FILIP1: variants seen among roughly 807,000 people sequenced by gnomAD.
The protein encoded by FILIP1 is filamin-A-interacting protein 1.
FILIP1 carries 61 observed loss-of-function variants against 102.1 expected under a neutral mutation model. That is an observed-to-expected ratio of 0.60 (90% CI 0.49 to 0.74). The LOEUF is 0.74. Ranked by LOEUF, FILIP1 falls within the 30% of genes least tolerant of loss-of-function variation. The pLI is 0.00. For missense variants in FILIP1, 1,314 were observed against 1,441.2 expected (o/e 0.91, Z 1.43); for synonymous variants, 491 against 526.9 (o/e 0.93, Z 0.93).
chr6:75,298,509 A>G (rs2149532429), intron 6 of FILIP1, among the ~76,000 whole-genome samples: 1 of 152,360 alleles, frequency 6.6e-6, no homozygotes, highest in African/African-American at 2.4e-5. Flanking sequence ...AAACTTATTA[A>G]ACAGATTTAC....
intron 4 of FILIP1, chr6:75,318,980 G>A (rs1269337859): frequency 3.3e-6 from 2 of 607,984 alleles, no homozygotes; most frequent in East Asian, 3.7e-5. Context: ...TTGTGTACAG[G>A]GAGGTTAAAT....
intron 1 of FILIP1, among the ~76,000 whole-genome samples, chr6:75,441,987 A>G (rs981115451): frequency 2.7e-5 from 4 of 148,774 alleles, no homozygotes; most frequent in East Asian, 2.0e-4. Context: ...GACGCTCCTC[A>G]CTTCCCAGAC....
intron 2 of FILIP1, among the ~76,000 whole-genome samples, chr6:75,367,910 T>C (rs1024762223): frequency 1.9e-4 from 29 of 152,194 alleles, no homozygotes; most frequent in Non-Finnish European, 1.5e-5. Flanking sequence ...TATTTTCACA[T>C]AGAAATTTAT....
At chr6:75,432,702 T>G (rs1777866869) in intron 1 of FILIP1, among the ~76,000 whole-genome samples, 3 of 152,278 alleles carry the variant, frequency 2.0e-5, no homozygotes, top group Admixed American at 6.5e-5. Flanking sequence ...TTTATTATAC[T>G]TTAAGTTCTA....
chr6:75,334,219 G>C (rs1774168993), intron 4 of FILIP1, among the ~76,000 whole-genome samples: 1 of 152,124 alleles, frequency 6.6e-6, no homozygotes, highest in African/African-American at 2.4e-5. Flanking sequence ...AGGACTGCTG[G>C]TAGTAAGACA....
chr6:75,371,573 T>C (rs1166177242), intron 2 of FILIP1, among the ~76,000 whole-genome samples: 2 of 152,176 alleles, frequency 1.3e-5, no homozygotes, highest in South Asian at 2.1e-4. Flanking sequence ...TTTCAAAACT[T>C]ACTACAAACT....
intron 2 of FILIP1, among the ~76,000 whole-genome samples, chr6:75,408,783 A>C (rs1482438565): frequency 1.3e-5 from 2 of 152,172 alleles, no homozygotes; most frequent in Admixed American, 6.6e-5. Context: ...CAAAACTATA[A>C]GCTATTTTCT....
intron 2 of FILIP1, among the ~76,000 whole-genome samples, chr6:75,372,718 GAAAGAGAAAGA>G (rs1562515348): frequency 0.039 from 1,876 of 48,144 alleles, 178 homozygotes; most frequent in Middle Eastern, 0.071. Flanking sequence ...AGAAAGGAAA[GAAAGAGAAAGA>G]GAAAGAAAGA....
chr6:75,378,341 C>G (rs1212971523), intron 2 of FILIP1, among the ~76,000 whole-genome samples: 1 of 152,094 alleles, frequency 6.6e-6, no homozygotes, highest in East Asian at 1.9e-4. Context: ...AAACATGTGG[C>G]ACTAAATAGA....
chr6:75,319,219 G>A lies in FILIP1; in HGVS notation c.630-4017C>T, dbSNP rs58347254. ...CTTTTCTTGTTTTTCCTTCAGCTTCGCAGCCTTCTTTTCATAAGGCTGCTT... is the reference window on the plus strand; with the variant it reads ...CTTTTCTTGTTTTTCCTTCAGCTTCACAGCCTTCTTTTCATAAGGCTGCTT... On this transcript the variant is annotated intron_variant, in intron 4 of 5. Coordinates refer to ENST00000237172, the MANE Select transcript of FILIP1 (RefSeq NM_015687.5). 7.8e-3 allele frequency: 5,853 copies of A among 748,896 alleles called. 258 individuals carry two copies. The African/African-American group carries it at 0.09, about 11-fold the overall frequency. The allele number at this position is 748,896 out of a possible 1,614,324, so 46.4% of individuals were successfully genotyped here.
intron 1 of FILIP1, among the ~76,000 whole-genome samples, chr6:75,483,317 C>T (rs1779697411): frequency 6.6e-6 from 1 of 152,182 alleles, no homozygotes; most frequent in Admixed American, 6.5e-5. Context: ...AGTGATTAAT[C>T]CTTTCCTGTT....
chr6:75,336,315 G>C (rs901597617), intron 4 of FILIP1, among the ~76,000 whole-genome samples: 11 of 152,008 alleles, frequency 7.2e-5, no homozygotes, highest in African/African-American at 2.7e-4. Context: ...TGTATAATAG[G>C]GATATGGGTT....
downstream of FILIP1, among the ~76,000 whole-genome samples, chr6:75,307,227 G>A (rs1424090283): frequency 6.6e-6 from 1 of 152,128 alleles, no homozygotes; most frequent in Non-Finnish European, 1.5e-5. Context: ...TCAAGCCCAA[G>A]TTCTGCAAGC....
intron 1 of FILIP1, among the ~76,000 whole-genome samples, chr6:75,416,513 C>A (rs1228140641): frequency 6.6e-6 from 1 of 150,428 alleles, no homozygotes; most frequent in East Asian, 2.0e-4. Flanking sequence ...GAAGCCAGGG[C>A]ACTTTGGAAC....
chr6:75,440,362 T>C (rs562111957), intron 1 of FILIP1, among the ~76,000 whole-genome samples: 1 of 152,148 alleles, frequency 6.6e-6, no homozygotes, highest in Non-Finnish European at 1.5e-5. Flanking sequence ...TCATGGCAAA[T>C]CAATTAGGTT....
At chr6:75,420,494 G>C (rs927331246) in intron 1 of FILIP1, among the ~76,000 whole-genome samples, 2 of 152,000 alleles carry the variant, frequency 1.3e-5, no homozygotes, top group Non-Finnish European at 2.9e-5. Context: ...TCCGGTAGCT[G>C]TCCTCTACTT....
At chr6:75,340,692 G>T (rs1451431353) in intron 4 of FILIP1, among the ~76,000 whole-genome samples, 2 of 151,338 alleles carry the variant, frequency 1.3e-5, no homozygotes, top group African/African-American at 4.9e-5. Context: ...TTGCTTATGG[G>T]TTTTCGTTTT....
chr6:75,430,810 G>T (rs1283124858), intron 1 of FILIP1, among the ~76,000 whole-genome samples: 1 of 152,162 alleles, frequency 6.6e-6, no homozygotes, highest in Non-Finnish European at 1.5e-5. Context: ...AGAGGTGCAG[G>T]CTTTGAAGAT....
At chr6:75,428,190 T>C (rs907847912) in intron 1 of FILIP1, among the ~76,000 whole-genome samples, 3 of 152,150 alleles carry the variant, frequency 2.0e-5, no homozygotes, top group African/African-American at 7.2e-5. Context: ...CAGTCCAATA[T>C]TACTTTCTTG....
Sources: allele counts gnomAD v4.1 joint callset (sites outside exome capture counted in the v4.1 genomes callset), GRCh38; gene constraint gnomAD v4.1.1; transcripts MANE v1.5; gene names NCBI Gene and HGNC (gene_info 2026-07-23, HGNC 2026-07-21).